INPP5D: variants seen among roughly 807,000 people sequenced by gnomAD.
The protein encoded by INPP5D is phosphatidylinositol 3,4,5-trisphosphate 5-phosphatase 1.
In INPP5D, 33 loss-of-function variants were observed where a neutral mutation model predicts 122.9. The observed-to-expected ratio is 0.27, with a 90% CI of 0.20 to 0.36. The LOEUF (loss-of-function observed/expected upper bound fraction) is 0.36. Among genes scored for constraint, INPP5D ranks in the 10% least tolerant of loss-of-function variants. The probability of loss-of-function intolerance (pLI) is 1.00; values close to 1 mark genes in which losing one functional copy is unlikely to be tolerated. For synonymous variants in INPP5D, 584 were observed against 576.2 expected, an observed-to-expected ratio of 1.01 and a Z score of -0.19; for missense variants, 1,053 against 1,412.7, an observed-to-expected ratio of 0.75 and a Z score of 4.08.
chr2:233,147,736 G>A (rs1376966300), intron 9 of INPP5D, 142 bp downstream of exon 9: 3 of 611,222 alleles, frequency 4.9e-6, no homozygotes, highest in Admixed American at 5.3e-5. Context: ...TTGTGTGTGT[G>A]TGTGTCTCTT....
rs1383027179 is a variant in INPP5D at position 233,182,464 on chromosome 2, A to C, written c.2126A>C (p.Glu709Ala). 6.2e-7 allele frequency: 1 copy of C among 1,613,688 alleles called. No homozygotes were observed. Among genetic ancestry groups the C allele is most frequent in the Admixed American group, 1.7e-5 (1 of 60,010 alleles). The change falls in exon 19 of 27, where the codon GAG becomes GCG. Residue 709 changes from glutamate (E) to alanine (A), a missense_variant. Glu to Ala is a moderately radical substitution (Grantham distance 107). This residue lies in a region of INPP5D where 258 missense variants were observed against 439.1 expected (regional missense o/e 0.59). Transcript: ENST00000445964. ...SDHSPVFATFEAGVTSQFVSK... is the reference protein window; with the variant it reads ...SDHSPVFATFAAGVTSQFVSK... ...CACAGCCCTGTCTTTGCCACATTTG[A>C]GGCAGGAGTCACTTCCCAGTTTGTC... is the stretch of plus-strand genomic sequence containing the variant.
Position 233,078,674 on chromosome 2 carries a change from G to GT in INPP5D, c.135-654dup, listed in dbSNP as rs910750085. ...CTTCAAACACCCCCTCTTTTTTGTT[G>GT]TTTTTTTGTTTTGTTTTGTTTTGTT... On this transcript the variant is annotated intron_variant, in intron 1 of 26. Coordinates refer to ENST00000445964, the MANE Select transcript of INPP5D (RefSeq NM_001017915.3). This position sits in a 1 kb window ranked among gnomAD's most constrained non-coding sequence, Gnocchi z 4.6. 6.8e-6 allele frequency among the ~76,000 whole-genome samples: 1 copy of GT among 147,856 alleles called. No homozygotes were observed. The highest frequency in any genetic ancestry group is 1.5e-5 in the Non-Finnish European group (1 of 67,322).
intron 13 of INPP5D, among the ~76,000 whole-genome samples, chr2:233,165,481 AGTGT>A (rs1393458489): frequency 5.0e-5 from 7 of 139,742 alleles, no homozygotes; most frequent in Non-Finnish European, 9.3e-5. Flanking sequence ...TGTGTTTGTG[AGTGT>A]ATTTATGTGA....
chr2:233,196,602 C>T (rs1695191634), intron 24 of INPP5D, among the ~76,000 whole-genome samples: 1 of 152,194 alleles, frequency 6.6e-6, no homozygotes, highest in Non-Finnish European at 1.5e-5. Flanking sequence ...ACACTGGTTG[C>T]TCTTGGCAGA....
intron 25 of INPP5D, among the ~76,000 whole-genome samples, chr2:233,203,294 A>G (rs1391455343): frequency 6.6e-6 from 1 of 152,144 alleles, no homozygotes; most frequent in Non-Finnish European, 1.5e-5. Flanking sequence ...AGGAACCGGG[A>G]AAGGAGGCCT....
chr2:233,104,235 T>C (rs1172905584), intron 2 of INPP5D, among the ~76,000 whole-genome samples: 1 of 152,136 alleles, frequency 6.6e-6, no homozygotes, highest in Non-Finnish European at 1.5e-5. Flanking sequence ...GGTCTTGAAC[T>C]CTTAACCTCA....
At chr2:233,114,932 A>G (rs1692743435) in intron 2 of INPP5D, among the ~76,000 whole-genome samples, 1 of 151,588 alleles carries the variant, frequency 6.6e-6, no homozygotes, top group Non-Finnish European at 1.5e-5. Context: ...CAATGGCACA[A>G]TCTCGGCTCA....
chr2:233,162,866 G>T (rs1694231738), intron 11 of INPP5D, among the ~76,000 whole-genome samples: 1 of 152,230 alleles, frequency 6.6e-6, no homozygotes, highest in Non-Finnish European at 1.5e-5. Context: ...TCTAATAAGA[G>T]ACAATAGTCT....
At chr2:233,073,016 T>A (rs1691421371) in intron 1 of INPP5D, among the ~76,000 whole-genome samples, 1 of 152,048 alleles carries the variant, frequency 6.6e-6, no homozygotes, top group South Asian at 2.1e-4. Flanking sequence ...AGAGGTGGAG[T>A]TCTGTCCCTG....
chr2:233,092,409 G>T (rs975321601), intron 2 of INPP5D, among the ~76,000 whole-genome samples: 1 of 152,202 alleles, frequency 6.6e-6, no homozygotes. Context: ...TAGGCTCTGG[G>T]CAATGGGGAA....
rs926168065 is a variant in INPP5D at position 233,082,853 on chromosome 2, C to T, written c.198+3455C>T. On this transcript the variant is annotated intron_variant, in intron 2 of 26. Coordinates refer to ENST00000445964, the MANE Select transcript of INPP5D (RefSeq NM_001017915.3). This position sits in a 1 kb window ranked among gnomAD's most constrained non-coding sequence, Gnocchi z 4.7. Reference sequence around the variant, plus strand: ...AGTTGGAACTCACAGCCAGGCCTCCCGGCCTCCCCGGCTAAGCTTTCTTCC... The same window carrying T: ...AGTTGGAACTCACAGCCAGGCCTCCTGGCCTCCCCGGCTAAGCTTTCTTCC... Among the ~76,000 whole-genome samples, 3 of 152,226 alleles carry T rather than the reference C, an allele frequency of 2.0e-5. No individual in the cohort carries two copies. The highest frequency in any genetic ancestry group is 6.5e-5 in the Admixed American group (1 of 15,286).
intron 25 of INPP5D, among the ~76,000 whole-genome samples, chr2:233,199,969 T>C (rs898575107): frequency 1.3e-5 from 2 of 152,158 alleles, no homozygotes; most frequent in African/African-American, 4.8e-5. Context: ...TTCTCGACCA[T>C]GAGGTTCCCC....
At position 233,189,444 on chromosome 2, in the gene INPP5D, G is replaced by T. The variant is rs142432220; in HGVS notation, c.2359-406G>T. 4.8e-3 allele frequency among the ~76,000 whole-genome samples: 738 copies of T among 152,296 alleles called. 9 individuals are homozygous for T. Among genetic ancestry groups the T allele is most frequent in the African/African-American group, 0.017 (692 of 41,568 alleles). ...CTGTGCTCTGTAGGGGGAGCCTGGC[G>T]CAGGGTGGAGTGCATGGATCATTCC... On this transcript the variant is annotated intron_variant, in intron 21 of 26. Coordinates refer to ENST00000445964, the MANE Select transcript of INPP5D (RefSeq NM_001017915.3). The surrounding 1 kb of genome is among the most constrained non-coding windows in gnomAD (Gnocchi z 5.6).
In INPP5D at chr2:233,130,778, GA is replaced by G. The variant is rs758307307; in HGVS notation, c.665+131del. ...GCCGCACTCACAATAATTGAGTGGT[GA>G]GCACAGCTTGGAAATCTCTGTGGTT... is the stretch of plus-strand genomic sequence containing the variant. On this transcript the variant is annotated intron_variant, in intron 5 of 26. Transcript: ENST00000445964. The G allele has an allele frequency of 1.8e-5, 17 of 966,910 alleles. No homozygotes were observed. The African/African-American group carries it at 2.4e-4, about 14-fold the overall frequency. The allele number at this position is 966,910 out of a possible 1,614,324, so 59.9% of individuals were successfully genotyped here.
intron 2 of INPP5D, among the ~76,000 whole-genome samples, chr2:233,110,345 G>A (rs1439561494): frequency 6.6e-6 from 1 of 151,964 alleles, no homozygotes; most frequent in Non-Finnish European, 1.5e-5. Flanking sequence ...GTGAGCCACT[G>A]TGCCTGGCCT....
chr2:233,116,828 C>T (rs1415557380), intron 2 of INPP5D, among the ~76,000 whole-genome samples: 2 of 148,482 alleles, frequency 1.3e-5, no homozygotes, highest in Non-Finnish European at 3.0e-5. Flanking sequence ...AACTGCTGAC[C>T]TCGTGATCCA....
rs769891422 is a variant in INPP5D at position 233,163,894 on chromosome 2, T to C, written c.1428T>C (p.Thr476=). Reference sequence around the variant, plus strand: ...CCCTGCAAGAAATCACCAGTGTGACTTTTAAAACAGTGAGCAGCTGGCTGC... The same window carrying C: ...CCCTGCAAGAAATCACCAGTGTGACCTTTAAAACAGTGAGCAGCTGGCTGC... ...KHSLQEITSV[T]FKTVAIHTLW... The change falls in exon 12 of 27, where the codon ACT becomes ACC. Residue 476 remains threonine, a synonymous_variant. Transcript: ENST00000445964. The C allele has an allele frequency of 1.9e-6, 3 of 1,613,610 alleles. No individual in the cohort carries two copies. In the Admixed American group the frequency reaches 5.0e-5, roughly 27 times the overall value.
chr2:233,146,929 G>A (rs1693775941), intron 8 of INPP5D, among the ~76,000 whole-genome samples: 1 of 152,130 alleles, frequency 6.6e-6, no homozygotes, highest in South Asian at 2.1e-4. Flanking sequence ...AATCCAGTGT[G>A]AGACCCGCAC....
intron 25 of INPP5D, among the ~76,000 whole-genome samples, chr2:233,201,575 G>A (rs1027070724): frequency 6.6e-6 from 1 of 152,232 alleles, no homozygotes; most frequent in African/African-American, 2.4e-5. Context: ...CTGTGGAAGG[G>A]GGTGTTCCAA....
Sources: gnomAD v4.1 joint callset for allele counts (sites outside exome capture counted in the v4.1 genomes callset) on GRCh38, gnomAD v4.1.1 for gene constraint, gnomAD v4.1.1 regional missense constraint, Gnocchi (gnomAD v3.1) non-coding constraint, MANE v1.5 for transcripts, NCBI Gene and HGNC (gene_info 2026-07-23, HGNC 2026-07-21) for gene names.